WRN: variants seen among roughly 807,000 people sequenced by gnomAD.
WRN encodes the protein bifunctional 3'-5' exonuclease/ATP-dependent helicase WRN.
WRN carries 149 observed loss-of-function variants against 180.7 expected under a neutral mutation model. The ratio of observed to expected loss-of-function variants is 0.82; its 90% confidence interval spans 0.72 to 0.94. The LOEUF (loss-of-function observed/expected upper bound fraction) is 0.94. Ranked by LOEUF, WRN falls within the 40% of genes least tolerant of loss-of-function variation. WRN has a pLI of 0.00. For synonymous variants in WRN, 548 were observed against 568.9 expected (o/e 0.96, Z 0.52); for missense variants, 1,661 against 1,700.1 (o/e 0.98, Z 0.40).
chr8:31,055,726 C>T lies in WRN; in HGVS notation c.-76-2646C>T, dbSNP rs923182693. On this transcript the variant is annotated intron_variant, in intron 1 of 34. Transcript: ENST00000298139. ...CCATTCTGTAGGTTGTCTGTTCACTCTGATTTGCTGTGCAGAAGCTAAAAG... is the reference window on the plus strand; with the variant it reads ...CCATTCTGTAGGTTGTCTGTTCACTTTGATTTGCTGTGCAGAAGCTAAAAG... Among the ~76,000 whole-genome samples the T allele has an allele frequency of 1.5e-4, 23 of 151,970 alleles. 1 individual carries two copies. The highest frequency in any genetic ancestry group is 1.2e-3 in the Admixed American group (19 of 15,260).
chr8:31,164,029 G>A (rs1247048280), intron 33 of WRN, among the ~76,000 whole-genome samples: 3 of 151,986 alleles, frequency 2.0e-5, no homozygotes, highest in African/African-American at 7.3e-5. Flanking sequence ...GTAGAGATGA[G>A]TTCTCACTAC....
At chr8:31,125,349 A>G (rs1801878444) in intron 23 of WRN, among the ~76,000 whole-genome samples, 1 of 151,080 alleles carries the variant, frequency 6.6e-6, no homozygotes, top group Non-Finnish European at 1.5e-5. Context: ...TTAAAAAAGA[A>G]TGAAACATTA....
intron 15 of WRN, 28 bp from the exon 16 acceptor site, chr8:31,091,802 G>T: frequency 1.9e-6 from 3 of 1,595,314 alleles, no homozygotes; most frequent in Non-Finnish European, 1.7e-6. Flanking sequence ...TGTACATGGT[G>T]CCAGAATATT....
chr8:31,077,521 C>T (rs145349488), intron 8 of WRN, among the ~76,000 whole-genome samples: 6,794 of 152,248 alleles, frequency 0.045, 183 homozygotes, highest in South Asian at 0.08. Flanking sequence ...GGATTACAGG[C>T]GTTAGCCACC....
intron 23 of WRN, among the ~76,000 whole-genome samples, chr8:31,130,488 GAT>G (rs1802115497): frequency 6.6e-6 from 1 of 151,908 alleles, no homozygotes; most frequent in African/African-American, 2.4e-5. Context: ...TTGAATTTAT[GAT>G]AGTTTCAGAT....
At chr8:31,164,892 C>G (rs1326427751) in intron 33 of WRN, among the ~76,000 whole-genome samples, 1 of 152,014 alleles carries the variant, frequency 6.6e-6, no homozygotes, top group Non-Finnish European at 1.5e-5. Context: ...GTAAGATGCA[C>G]CTGTAAAGCT....
Position 31,147,138 on chromosome 8 carries a change from T to C in WRN, c.3459+10T>C, listed in dbSNP as rs368902037. ...AGAGCAGGAGACTCAGGTAAGGCTT[T>C]TGTAAAAAGGTAATTAGTTTATGAT... is the stretch of plus-strand genomic sequence containing the variant. On this transcript the variant is annotated intron_variant, in intron 29 of 34. Coordinates refer to ENST00000298139, the MANE Select transcript of WRN (RefSeq NM_000553.6). The C allele has an allele frequency of 1.2e-6, 2 of 1,612,990 alleles. No individual in the cohort carries two copies. Among genetic ancestry groups the C allele is most frequent in the African/African-American group, 1.3e-5 (1 of 75,034 alleles).
At chr8:31,054,544 A>C (rs1324953492) in intron 1 of WRN, among the ~76,000 whole-genome samples, 1 of 152,124 alleles carries the variant, frequency 6.6e-6, no homozygotes, top group African/African-American at 2.4e-5. Context: ...TTAAGCAACA[A>C]AACAACAACA....
In WRN at chr8:31,150,391, A is replaced by G. The variant is rs529421538; in HGVS notation, c.3623A>G (p.Lys1208Arg). The part of the protein sequence containing the change: ...VKRIDGVSEG[K>R]AAMLAPLLEV... ...AGGATTGATGGTGTTTCTGAAGGCAAAGCTGCCATGTTGGCCCCTCTGTTG... is the reference window on the plus strand; with the variant it reads ...AGGATTGATGGTGTTTCTGAAGGCAGAGCTGCCATGTTGGCCCCTCTGTTG... The change falls in exon 31 of 35, where the codon AAA (lysine) becomes AGA (arginine). Residue 1208 changes from lysine (K) to arginine (R), a missense_variant. Lys to Arg is a conservative substitution (Grantham distance 26). Coordinates refer to ENST00000298139, the MANE Select transcript of WRN (RefSeq NM_000553.6). 4.1e-5 allele frequency: 66 copies of G among 1,614,146 alleles called. 2 individuals carry two copies. The South Asian group carries it at 7.0e-4, about 17-fold the overall frequency.
chr8:31,090,654 A>G, intron 14 of WRN, 122 bp downstream of exon 14: 1 of 1,156,494 alleles, frequency 8.6e-7, no homozygotes, highest in South Asian at 1.4e-5. Flanking sequence ...TAAACTATAG[A>G]AGAGAGTGAA....
Position 31,176,071 on chromosome 8 carries a change from A to G in WRN, c.*2969A>G, listed in dbSNP as rs1342875003. ...ATGTAATGTTTTATTATAAAGGTGT[A>G]CCATGAATTATGTACCTTACTTCAT... is the stretch of plus-strand genomic sequence containing the variant. On this transcript the variant is annotated 3_prime_UTR_variant, in exon 35 of 35. Coordinates refer to ENST00000298139, the MANE Select transcript of WRN (RefSeq NM_000553.6). Among the ~76,000 whole-genome samples the G allele has an allele frequency of 6.6e-6, 1 of 152,334 alleles. No individual in the cohort carries two copies. The highest frequency in any genetic ancestry group is 1.9e-4 in the East Asian group (1 of 5,186).
intron 31 of WRN, among the ~76,000 whole-genome samples, chr8:31,152,546 T>TAA (rs1010465043): frequency 7.0e-6 from 1 of 142,846 alleles, no homozygotes; most frequent in Non-Finnish European, 1.5e-5. Context: ...CAATAAACCT[T>TAA]AAAAAAAAAA....
In WRN at chr8:31,173,759, T is replaced by G. The variant is rs1804186517; in HGVS notation, c.*657T>G. On this transcript the variant is annotated 3_prime_UTR_variant, in exon 35 of 35. Coordinates refer to ENST00000298139, the MANE Select transcript of WRN (RefSeq NM_000553.6). ...AAAACAATGTTTTTCATACTGAATATTATATATATATTTTTTAGCTTTCAT... is the reference window on the plus strand; with the variant it reads ...AAAACAATGTTTTTCATACTGAATAGTATATATATATTTTTTAGCTTTCAT... 1 of 155,232 alleles carries G rather than the reference T, an allele frequency of 6.4e-6. No individual in the cohort carries two copies. The highest frequency in any genetic ancestry group is 6.5e-5 in the Admixed American group (1 of 15,348). 9.6% of individuals were successfully genotyped at this position (155,232 alleles called of 1,614,324 possible).
chr8:31,175,557 C>G lies in WRN; in HGVS notation c.*2455C>G, dbSNP rs150294642. 4.8e-3 allele frequency among the ~76,000 whole-genome samples: 737 copies of G among 152,298 alleles called. 6 individuals are homozygous for G. Among genetic ancestry groups the G allele is most frequent in the African/African-American group, 0.017 (702 of 41,554 alleles). On this transcript the variant is annotated 3_prime_UTR_variant, in exon 35 of 35. Transcript: ENST00000298139. ...AGTTTATTGATATAGTTTCAGATTACACACTGCAACTAATCTTTAAGAAAC... is the reference window on the plus strand; with the variant it reads ...AGTTTATTGATATAGTTTCAGATTAGACACTGCAACTAATCTTTAAGAAAC...
intron 20 of WRN, 128 bp from the exon 21 acceptor site, chr8:31,120,115 T>C: frequency 2.8e-6 from 3 of 1,087,466 alleles, no homozygotes; most frequent in Non-Finnish European, 4.2e-6. Context: ...TTGGTTGAAA[T>C]CACATTGAAT....
At chr8:31,167,352 C>A in intron 34 of WRN, 122 bp downstream of exon 34, 2 of 816,676 alleles carry the variant, frequency 2.4e-6, no homozygotes, top group Non-Finnish European at 3.8e-6. Context: ...TCTCTATGTG[C>A]TACATTTCCT....
chr8:31,165,131 A>G (rs1446833422), intron 33 of WRN, among the ~76,000 whole-genome samples: 3 of 152,092 alleles, frequency 2.0e-5, no homozygotes, highest in African/African-American at 7.2e-5. Context: ...AAATAAAGTG[A>G]TTCAAAAGAG....
chr8:31,045,307 C>A (rs1811817623), intron 1 of WRN, among the ~76,000 whole-genome samples: 1 of 152,078 alleles, frequency 6.6e-6, no homozygotes, highest in South Asian at 2.1e-4. Context: ...TGTTCACCAC[C>A]TTCCATAGTC....
intron 21 of WRN, 33 bp from the exon 22 acceptor site, chr8:31,124,489 T>G: frequency 6.5e-7 from 1 of 1,538,294 alleles, no homozygotes; most frequent in South Asian, 1.1e-5. Context: ...CCAATACAGT[T>G]TTACATATTC....
Sources: gnomAD v4.1 joint callset for allele counts (sites outside exome capture counted in the v4.1 genomes callset) on GRCh38, gnomAD v4.1.1 for gene constraint, MANE v1.5 for transcripts, NCBI Gene and HGNC (gene_info 2026-07-23, HGNC 2026-07-21) for gene names.